Variants in PTPRT observed in about 807,000 individuals in gnomAD.
The protein encoded by PTPRT is receptor-type tyrosine-protein phosphatase T.
PTPRT carries 56 observed loss-of-function variants against 176.8 expected under a neutral mutation model. The ratio of observed to expected loss-of-function variants is 0.32; its 90% confidence interval spans 0.26 to 0.40. The LOEUF (loss-of-function observed/expected upper bound fraction) is 0.40, where lower values mean the gene tolerates loss of function less well. PTPRT is among the 10% of genes least tolerant of loss of function. The probability of loss-of-function intolerance (pLI) is 1.00; values close to 1 mark genes in which losing one functional copy is unlikely to be tolerated. For missense variants in PTPRT, 1,540 were observed against 1,908.2 expected (o/e 0.81, Z 3.60); for synonymous variants, 783 against 739.0 (o/e 1.06, Z -0.96).
intron 15 of PTPRT, among the ~76,000 whole-genome samples, chr20:42,224,802 G>C (rs2055967921): frequency 6.6e-6 from 1 of 152,156 alleles, no homozygotes; most frequent in Non-Finnish European, 1.5e-5. Flanking sequence ...TTCCCAGAAA[G>C]GCAACATTTC....
At chr20:42,054,832 T>G in the PTPRT span, among the ~76,000 whole-genome samples, 1 of 152,172 alleles carries the variant, frequency 6.6e-6, no homozygotes, top group Admixed American at 6.5e-5. Flanking sequence ...ATCCTTCTTG[T>G]GGACTCTGGG....
chr20:42,513,123 G>T (rs755769331), intron 7 of PTPRT, among the ~76,000 whole-genome samples: 2 of 151,968 alleles, frequency 1.3e-5, no homozygotes, highest in Non-Finnish European at 2.9e-5. Context: ...GCCTCCCAAA[G>T]TACTGGGATT....
Position 43,040,524 on chromosome 20 carries a change from T to C in PTPRT, c.88+149122A>G, listed in dbSNP as rs1986561624. Among the ~76,000 whole-genome samples, 3 of 152,240 alleles carry C rather than the reference T, an allele frequency of 2.0e-5. No homozygotes were observed. In the South Asian group the frequency reaches 6.2e-4, roughly 31 times the overall value. On this transcript the variant is annotated intron_variant, in intron 1 of 30. Transcript: ENST00000373187. ...TTGGCATATGCCAGACTCCGTGTTA[T>C]AAGGCACTTTACCTGCACATACCCG...
rs1356710168 is a variant in PTPRT at position 42,115,916 on chromosome 20, G to T, written c.2983-601C>A. ...TGGTAGCTGCTGGACTCCAAGGGAA[G>T]ATGCGCAGTTCCTCTCTGACCCTGG... On this transcript the variant is annotated intron_variant, in intron 21 of 30. Coordinates refer to ENST00000373187, the MANE Select transcript of PTPRT (RefSeq NM_007050.6). 1.3e-5 allele frequency: 8 copies of T among 632,452 alleles called. No homozygotes were observed. The East Asian group carries it at 2.2e-4, about 18-fold the overall frequency. 39.2% of individuals were successfully genotyped at this position (632,452 alleles called of 1,614,324 possible). A position where few individuals can be genotyped will look rare whatever the true frequency, so the allele number is the denominator to read the frequency against.
chr20:42,274,863 C>G (rs1226498450), intron 13 of PTPRT, among the ~76,000 whole-genome samples: 1 of 152,180 alleles, frequency 6.6e-6, no homozygotes, highest in Non-Finnish European at 1.5e-5. Flanking sequence ...AAGACCATCA[C>G]ATGCTAAATA....
rs141326089 is a variant in PTPRT, at chr20:42,897,883, C to T, written c.89-11951G>A. Among the ~76,000 whole-genome samples, 184 of 152,262 alleles carry T rather than the reference C, an allele frequency of 1.2e-3. 5 individuals are homozygous for T. The East Asian group carries it at 0.026, about 22-fold the overall frequency. ...TAAACACTTGGAATAGTACCTGGCACGTAGTCAGTGCCAAGTTGTGTGTTA... is the reference window on the plus strand; with the variant it reads ...TAAACACTTGGAATAGTACCTGGCATGTAGTCAGTGCCAAGTTGTGTGTTA... On this transcript the variant is annotated intron_variant, in intron 1 of 30. Transcript: ENST00000373187.
chr20:42,560,958 A>G (rs1387679050), intron 7 of PTPRT, among the ~76,000 whole-genome samples: 1 of 152,116 alleles, frequency 6.6e-6, no homozygotes, highest in Non-Finnish European at 1.5e-5. Flanking sequence ...TCTTTTTATA[A>G]TGACTCTTCC....
chr20:43,172,444 G>C (rs888980507), intron 1 of PTPRT, among the ~76,000 whole-genome samples: 1 of 152,224 alleles, frequency 6.6e-6, no homozygotes, highest in Non-Finnish European at 1.5e-5. Flanking sequence ...GCATTAGAGT[G>C]ACCGACTCAT....
chr20:42,496,021 A>G (rs1484342901), intron 7 of PTPRT, among the ~76,000 whole-genome samples: 2 of 152,208 alleles, frequency 1.3e-5, no homozygotes, highest in African/African-American at 2.4e-5. Flanking sequence ...TGTATTATAC[A>G]TTGTATTCTT....
At chr20:42,199,197 C>G (rs745575134) in intron 16 of PTPRT, 43 bp downstream of exon 16, 3 of 1,604,328 alleles carry the variant, frequency 1.9e-6, no homozygotes, top group Admixed American at 3.4e-5. Context: ...TAGGGCTGAG[C>G]TGGACCACGG....
At chr20:43,079,192 C>T (rs528396888) in intron 1 of PTPRT, among the ~76,000 whole-genome samples, 1 of 138,178 alleles carries the variant, frequency 7.2e-6, no homozygotes, top group Non-Finnish European at 1.6e-5. Flanking sequence ...CCCCCCAGCC[C>T]CCTCTCTCCC....
At chr20:42,547,646 A>C (rs188372283) in intron 7 of PTPRT, among the ~76,000 whole-genome samples, 3 of 152,198 alleles carry the variant, frequency 2.0e-5, no homozygotes, top group Admixed American at 2.0e-4. Flanking sequence ...CCTATAGTAA[A>C]TAGTATACAT....
Position 42,199,323 on chromosome 20 carries a change from G to A in PTPRT, c.2408C>T (p.Ser803Phe), listed in dbSNP as rs766023538. The A allele has an allele frequency of 6.8e-6, 11 of 1,614,056 alleles. No individual in the cohort carries two copies. The South Asian group carries it at 1.2e-4, about 18-fold the overall frequency. Residue 803 changes from serine (S) to phenylalanine (F), a missense_variant, in exon 16 of 31, where the codon TCT becomes TTT. Ser to Phe is a radical substitution (Grantham distance 155, BLOSUM62 -2). Around this residue, in one of 11 missense-constraint regions of PTPRT, gnomAD observed 255 missense variants for 250.1 expected, o/e 1.02. Transcript: ENST00000373187. ...GAQREMGPVASADKPTTKLSA... is the reference protein window; with the variant it reads ...GAQREMGPVAFADKPTTKLSA... The stretch of plus-strand genomic sequence containing the variant: ...GAGCTTGGTGGTGGGTTTGTCGGCA[G>A]AGGCCACAGGCCCCATCTCCCTCTG...
At chr20:42,190,160 C>A (rs771019836) in intron 16 of PTPRT, among the ~76,000 whole-genome samples, 8 of 152,160 alleles carry the variant, frequency 5.3e-5, no homozygotes, top group South Asian at 2.1e-4. Context: ...TCAATTTAAT[C>A]TTGGAGCAAC....
At chr20:42,624,675 A>G (rs2074259362) in intron 7 of PTPRT, among the ~76,000 whole-genome samples, 1 of 152,206 alleles carries the variant, frequency 6.6e-6, no homozygotes, top group Non-Finnish European at 1.5e-5. Context: ...ATGTTCAGAA[A>G]TCCAGATTTG....
intron 6 of PTPRT, among the ~76,000 whole-genome samples, chr20:42,709,775 C>T (rs2425538): frequency 0.023 from 3,534 of 152,158 alleles, 160 homozygotes; most frequent in African/African-American, 0.081. Context: ...AAGTTTGGAA[C>T]GTCTTAGAGA....
intron 6 of PTPRT, among the ~76,000 whole-genome samples, chr20:42,713,676 G>C (rs1252255910): frequency 6.6e-6 from 1 of 152,170 alleles, no homozygotes; most frequent in African/African-American, 2.4e-5. Context: ...ATGTAACCCC[G>C]ATTGTTGGAG....
chr20:42,262,987 CA>C (rs1279123893), intron 13 of PTPRT, among the ~76,000 whole-genome samples: 5 of 152,066 alleles, frequency 3.3e-5, no homozygotes, highest in African/African-American at 1.2e-4. Context: ...ATGAGTAAGG[CA>C]AACCATAGAG....
chr20:42,465,176 TG>T (rs1412041273), intron 8 of PTPRT, among the ~76,000 whole-genome samples: 2 of 152,064 alleles, frequency 1.3e-5, no homozygotes, highest in African/African-American at 4.8e-5. Flanking sequence ...TCACATTTAG[TG>T]TTCAGATTAA....
Sources: gnomAD v4.1 joint callset for allele counts (sites outside exome capture counted in the v4.1 genomes callset) on GRCh38, gnomAD v4.1.1 for gene constraint, gnomAD v4.1.1 regional missense constraint, MANE v1.5 for transcripts, NCBI Gene and HGNC (gene_info 2026-07-23, HGNC 2026-07-21) for gene names.